Variants in GABRG3 observed in about 807,000 individuals in gnomAD.
GABRG3 encodes gamma-aminobutyric acid type A receptor subunit gamma3.
In GABRG3, 25 loss-of-function variants were observed where a neutral mutation model predicts 48.8. The ratio of observed to expected loss-of-function variants is 0.51; its 90% confidence interval spans 0.37 to 0.72. GABRG3 has a LOEUF of 0.72. Among genes scored for constraint, GABRG3 ranks in the 30% least tolerant of loss-of-function variants. GABRG3 has a pLI of 0.00. For missense variants in GABRG3, 394 were observed against 577.9 expected, an observed-to-expected ratio of 0.68 and a Z score of 3.26; for synonymous variants, 227 against 217.6, an observed-to-expected ratio of 1.04 and a Z score of -0.38.
At chr15:27,393,001 A>G (rs558086321) in intron 5 of GABRG3, among the ~76,000 whole-genome samples, 1 of 152,248 alleles carries the variant, frequency 6.6e-6, no homozygotes, top group South Asian at 2.1e-4. Flanking sequence ...CAATCCTAGA[A>G]CTAGCCATTT....
chr15:27,016,965 T>A (rs1402483177), intron 2 of GABRG3, among the ~76,000 whole-genome samples: 4 of 152,228 alleles, frequency 2.6e-5, no homozygotes, highest in African/African-American at 7.2e-5. Flanking sequence ...TTTCTGTCTC[T>A]TTTCTGATAT....
chr15:27,067,376 C>T (rs976295285), intron 3 of GABRG3, among the ~76,000 whole-genome samples: 5 of 152,218 alleles, frequency 3.3e-5, no homozygotes, highest in African/African-American at 1.2e-4. Flanking sequence ...TCTGTGTCCC[C>T]TCTCGTGATG....
intron 5 of GABRG3, among the ~76,000 whole-genome samples, chr15:27,335,852 A>G (rs1893946067): frequency 6.6e-6 from 1 of 152,212 alleles, no homozygotes; most frequent in East Asian, 1.9e-4. Flanking sequence ...TTTTAAATGT[A>G]TACTAAAAAC....
chr15:27,095,128 T>TA (rs1477632418), intron 3 of GABRG3, among the ~76,000 whole-genome samples: 2 of 152,180 alleles, frequency 1.3e-5, no homozygotes, highest in Non-Finnish European at 2.9e-5. Context: ...GTCAGTTTTT[T>TA]AAAAAATGAC....
chr15:27,311,724 T>C (rs1893000539), intron 3 of GABRG3, among the ~76,000 whole-genome samples: 1 of 152,106 alleles, frequency 6.6e-6, no homozygotes, highest in African/African-American at 2.4e-5. Flanking sequence ...TCTTGCTTGT[T>C]CTCAGAGCAC....
At chr15:27,135,285 C>A (rs1897989130) in intron 3 of GABRG3, among the ~76,000 whole-genome samples, 1 of 152,154 alleles carries the variant, frequency 6.6e-6, no homozygotes, top group African/African-American at 2.4e-5. Context: ...TCAAGCAGAA[C>A]TCATTAATAG....
intron 5 of GABRG3, among the ~76,000 whole-genome samples, chr15:27,370,692 C>T (rs775860259): frequency 2.6e-4 from 40 of 152,110 alleles, no homozygotes; most frequent in Admixed American, 6.6e-4. Flanking sequence ...AGTTACATTT[C>T]GATAAAACAA....
intron 5 of GABRG3, among the ~76,000 whole-genome samples, chr15:27,411,642 G>C (rs928214595): frequency 6.6e-6 from 1 of 152,046 alleles, no homozygotes; most frequent in African/African-American, 2.4e-5. Flanking sequence ...ATTTTCAAAG[G>C]CTTTTATATG....
intron 3 of GABRG3, among the ~76,000 whole-genome samples, chr15:27,062,434 T>TAA (rs57903886): frequency 0.029 from 951 of 32,850 alleles, 116 homozygotes; most frequent in Middle Eastern, 0.071. Context: ...CCATCTCTAC[T>TAA]AAAAAAAAAA....
At chr15:27,401,572 C>T (rs945536117) in intron 5 of GABRG3, among the ~76,000 whole-genome samples, 5 of 152,148 alleles carry the variant, frequency 3.3e-5, no homozygotes, top group South Asian at 2.1e-4. Flanking sequence ...GCAGTTATTT[C>T]GCTCTCTCAC....
chr15:27,503,933 A>T (rs998048111), intron 6 of GABRG3, among the ~76,000 whole-genome samples: 1 of 152,196 alleles, frequency 6.6e-6, no homozygotes, highest in African/African-American at 2.4e-5. Context: ...GAATTTCTTT[A>T]TCTGTTGTGG....
chr15:27,518,566 T>A (rs1010228682), intron 6 of GABRG3, among the ~76,000 whole-genome samples: 18 of 152,150 alleles, frequency 1.2e-4, no homozygotes, highest in Non-Finnish European at 2.4e-4. Context: ...TCAGGGAAGA[T>A]TTCCTGGGGA....
intron 3 of GABRG3, among the ~76,000 whole-genome samples, chr15:27,274,981 A>G (rs1230423400): frequency 6.6e-6 from 1 of 152,216 alleles, no homozygotes; most frequent in Non-Finnish European, 1.5e-5. Flanking sequence ...GACCAACGCC[A>G]TAGAAATGCC....
intron 3 of GABRG3, among the ~76,000 whole-genome samples, chr15:27,326,154 C>G (rs1893606662): frequency 6.6e-6 from 1 of 152,142 alleles, no homozygotes; most frequent in South Asian, 2.1e-4. Context: ...GTGGCTTCAA[C>G]CCTGGGCCTT....
intron 3 of GABRG3, among the ~76,000 whole-genome samples, chr15:27,114,699 G>C (rs777924120): frequency 7.2e-5 from 11 of 152,090 alleles, no homozygotes; most frequent in Admixed American, 2.0e-4. Context: ...TGAAGACAGT[G>C]ATTTAAAATT....
chr15:27,234,400 G>C (rs1029682924), intron 3 of GABRG3, among the ~76,000 whole-genome samples: 11 of 152,102 alleles, frequency 7.2e-5, no homozygotes, highest in Non-Finnish European at 1.2e-4. Flanking sequence ...GAGTCTCTGG[G>C]CCTCCGTCTT....
At chr15:27,357,286 T>C (rs2140542669) in intron 5 of GABRG3, among the ~76,000 whole-genome samples, 1 of 152,296 alleles carries the variant, frequency 6.6e-6, no homozygotes, top group African/African-American at 2.4e-5. Flanking sequence ...TGAGTCTCAA[T>C]AGAATCTACA....
intron 3 of GABRG3, among the ~76,000 whole-genome samples, chr15:27,119,790 G>T (rs979471081): frequency 2.0e-5 from 3 of 152,200 alleles, no homozygotes; most frequent in Middle Eastern, 3.2e-3. Flanking sequence ...GCTCCCAGAG[G>T]TGCCACAGTT....
intron 2 of GABRG3, among the ~76,000 whole-genome samples, chr15:26,998,971 CTG>C (rs1895390591): frequency 6.6e-6 from 1 of 151,768 alleles, no homozygotes; most frequent in African/African-American, 2.4e-5. Context: ...TAAAAGAGAG[CTG>C]CCATGCTCCT....
Sources: gnomAD v4.1 joint callset for allele counts (sites outside exome capture counted in the v4.1 genomes callset) on GRCh38, gnomAD v4.1.1 for gene constraint, MANE v1.5 for transcripts, NCBI Gene and HGNC (gene_info 2026-07-23, HGNC 2026-07-21) for gene names.